The following EPB41L4A variants were observed in gnomAD, a reference collection of about 807,000 sequenced individuals.
EPB41L4A encodes the protein band 4.1-like protein 4A.
In EPB41L4A, 100 loss-of-function variants were observed where a neutral mutation model predicts 108.6. That is an observed-to-expected ratio of 0.92 (90% CI 0.78 to 1.09). EPB41L4A has a LOEUF of 1.09. EPB41L4A is among the 50% of genes least tolerant of loss of function. EPB41L4A has a pLI of 0.00. For missense variants in EPB41L4A, 1,030 were observed against 842.7 expected, an observed-to-expected ratio of 1.22 and a Z score of -2.75; for synonymous variants, 319 against 289.0, an observed-to-expected ratio of 1.10 and a Z score of -1.05.
chr5:112,354,891 A>T (rs1052812564), intron 1 of EPB41L4A, among the ~76,000 whole-genome samples: 4 of 152,204 alleles, frequency 2.6e-5, no homozygotes, highest in African/African-American at 9.6e-5. Flanking sequence ...AGTCTCAGAG[A>T]GCATTAATAG....
intron 4 of EPB41L4A, among the ~76,000 whole-genome samples, chr5:112,271,270 A>G (rs1404072946): frequency 6.6e-6 from 1 of 152,212 alleles, no homozygotes; most frequent in African/African-American, 2.4e-5. Flanking sequence ...ATGCAAGAAG[A>G]CCTATCTCAG....
At chr5:112,294,005 A>G (rs1478915494) in intron 2 of EPB41L4A, among the ~76,000 whole-genome samples, 1 of 152,202 alleles carries the variant, frequency 6.6e-6, no homozygotes, top group Admixed American at 6.5e-5. Flanking sequence ...TACACATGAC[A>G]TTGTTTGAAC....
downstream of EPB41L4A, among the ~76,000 whole-genome samples, chr5:112,160,207 G>A (rs904239984): frequency 6.6e-6 from 1 of 152,114 alleles, no homozygotes; most frequent in Non-Finnish European, 1.5e-5. Context: ...ACCGCGCCCG[G>A]CGTTCTTTTC....
chr5:112,350,148 G>C (rs112860191), intron 1 of EPB41L4A, among the ~76,000 whole-genome samples: 2 of 12,940 alleles, frequency 1.5e-4, no homozygotes, highest in Non-Finnish European at 8.7e-4. Context: ...TATATATTTT[G>C]TTTAATTTTA....
chr5:112,170,180 T>C, intron 20 of EPB41L4A, 121 bp downstream of exon 20: 1 of 918,140 alleles, frequency 1.1e-6, no homozygotes. Context: ...TACTGTCACC[T>C]AGTTTTGTTT....
At chr5:112,353,749 G>C (rs1172627916) in intron 1 of EPB41L4A, among the ~76,000 whole-genome samples, 5 of 152,148 alleles carry the variant, frequency 3.3e-5, no homozygotes. Flanking sequence ...GGGAATCCTT[G>C]GGTCCCCAAA....
chr5:112,144,885 G>C (rs975736919), intron 13 of EPB41L4A, among the ~76,000 whole-genome samples: 1 of 152,092 alleles, frequency 6.6e-6, no homozygotes, highest in Admixed American at 6.5e-5. Context: ...TTGAAAAGAG[G>C]GTAGTCCAGC....
At chr5:112,339,501 T>G (rs7446591) in intron 1 of EPB41L4A, among the ~76,000 whole-genome samples, 1 of 45,618 alleles carries the variant, frequency 2.2e-5, no homozygotes, top group East Asian at 9.1e-4. Flanking sequence ...TATATCTATA[T>G]ATATATATAG....
At chr5:112,384,898 G>T (rs1760406407) in intron 1 of EPB41L4A, among the ~76,000 whole-genome samples, 2 of 152,314 alleles carry the variant, frequency 1.3e-5, no homozygotes, top group Admixed American at 1.3e-4. Context: ...TATCTGCTGG[G>T]AAAGATAATG....
rs202137346 is a variant in EPB41L4A at position 112,401,291 on chromosome 5, A to T, written c.99+17650T>A. ...CAGCAGACCTTCAGAGCTAGAAAAA[A>T]GCTTGGCCATTTATCCTAATCATCA... On this transcript the variant is annotated intron_variant, in intron 1 of 22. Transcript: ENST00000261486. 7.9e-5 allele frequency among the ~76,000 whole-genome samples: 12 copies of T among 152,320 alleles called. No individual in the cohort carries two copies. In the East Asian group the frequency reaches 1.7e-3, roughly 22 times the overall value.
At chr5:112,148,018 G>A (rs555166544) in intron 12 of EPB41L4A, among the ~76,000 whole-genome samples, 1 of 151,620 alleles carries the variant, frequency 6.6e-6, no homozygotes, top group African/African-American at 2.4e-5. Context: ...CAGCCTGGGT[G>A]ACAGAGTGAA....
chr5:112,183,796 G>A lies in EPB41L4A; in HGVS notation c.1622+220C>T, dbSNP rs78360405. Reference sequence around the variant, plus strand: ...AAAAACAACACAAAACAAAAATATGGCTTTGAGGGCCTTGTTTTCATGACA... The same window carrying A: ...AAAAACAACACAAAACAAAAATATGACTTTGAGGGCCTTGTTTTCATGACA... On this transcript the variant is annotated intron_variant, in intron 18 of 22. Coordinates refer to ENST00000261486, the MANE Select transcript of EPB41L4A (RefSeq NM_022140.5). 2.0e-5 allele frequency among the ~76,000 whole-genome samples: 3 copies of A among 152,286 alleles called. No individual in the cohort carries two copies. The East Asian group carries it at 5.8e-4, about 29-fold the overall frequency.
intron 1 of EPB41L4A, among the ~76,000 whole-genome samples, chr5:112,347,692 T>G (rs1253447173): frequency 6.6e-6 from 1 of 152,224 alleles, no homozygotes; most frequent in Non-Finnish European, 1.5e-5. Context: ...AATTGAATAT[T>G]TGTGGAATAC....
chr5:112,182,789 C>CT (rs11317660), intron 18 of EPB41L4A, among the ~76,000 whole-genome samples: 259 of 140,594 alleles, frequency 1.8e-3, no homozygotes, highest in African/African-American at 4.8e-3. Context: ...TCTAAACTTC[C>CT]TTTTTTTTTT....
chr5:112,277,445 T>C (rs754910479), intron 3 of EPB41L4A, among the ~76,000 whole-genome samples: 8 of 152,168 alleles, frequency 5.3e-5, no homozygotes, highest in East Asian at 1.9e-4. Flanking sequence ...CATTCACATA[T>C]AAAATGGCTG....
chr5:112,408,693 A>AGGCC (rs1762232954), intron 1 of EPB41L4A, among the ~76,000 whole-genome samples: 1 of 76,680 alleles, frequency 1.3e-5, no homozygotes, highest in Non-Finnish European at 3.1e-5. Context: ...AAAAAAAAAA[A>AGGCC]AAAAAAAAAA....
intron 2 of EPB41L4A, among the ~76,000 whole-genome samples, chr5:112,298,793 G>A (rs534224570): frequency 3.9e-4 from 59 of 152,190 alleles, no homozygotes; most frequent in Non-Finnish European, 7.8e-4. Context: ...TTTCTTGTTG[G>A]TAATTTTTTT....
At position 112,211,638 on chromosome 5, in the gene EPB41L4A, AG is replaced by A. The variant is rs555425030; in HGVS notation, c.1088-1657del. Among the ~76,000 whole-genome samples the A allele has an allele frequency of 2.8e-3, 422 of 152,196 alleles. 4 individuals carry two copies. Among genetic ancestry groups the A allele is most frequent in the Non-Finnish European group, 4.8e-3 (324 of 67,996 alleles). ...CAAGTGAAAGTGATGTTCAATGAGA[AG>A]AACACTTCAGAGCAAGGCAAGAGGA... is the stretch of plus-strand genomic sequence containing the variant. On this transcript the variant is annotated intron_variant, in intron 12 of 22. Coordinates refer to ENST00000261486, the MANE Select transcript of EPB41L4A (RefSeq NM_022140.5).
intron 15 of EPB41L4A, among the ~76,000 whole-genome samples, chr5:112,199,736 T>C (rs1046659582): frequency 3.9e-5 from 6 of 152,178 alleles, no homozygotes; most frequent in African/African-American, 1.4e-4. Context: ...TTCAAAAAAC[T>C]GAACAAGCCT....
Sources: gnomAD v4.1 joint callset for allele counts (sites outside exome capture counted in the v4.1 genomes callset) on GRCh38, gnomAD v4.1.1 for gene constraint, MANE v1.5 for transcripts, NCBI Gene and HGNC (gene_info 2026-07-23, HGNC 2026-07-21) for gene names.